Variants in PTPRG observed in about 807,000 individuals in gnomAD.
PTPRG encodes the protein receptor-type tyrosine-protein phosphatase gamma.
PTPRG carries 102 observed loss-of-function variants against 165.3 expected under a neutral mutation model. That is an observed-to-expected ratio of 0.62 (90% confidence interval 0.53 to 0.73). The LOEUF (loss-of-function observed/expected upper bound fraction) is 0.73. PTPRG is among the 30% of genes least tolerant of loss of function. The pLI is 0.00. For synonymous variants in PTPRG, 675 were observed against 669.5 expected (o/e 1.01, Z -0.13); for missense variants, 1,866 against 1,861.4 (o/e 1.00, Z -0.05).
At chr3:62,278,594 T>C (rs988032581) in intron 26 of PTPRG, among the ~76,000 whole-genome samples, 4 of 152,040 alleles carry the variant, frequency 2.6e-5, no homozygotes, top group Non-Finnish European at 5.9e-5. Context: ...ATTAATGAGT[T>C]TTTTAATCAA....
At chr3:61,825,813 T>C (rs1243133494) in intron 2 of PTPRG, among the ~76,000 whole-genome samples, 1 of 136,964 alleles carries the variant, frequency 7.3e-6, no homozygotes, top group Non-Finnish European at 1.6e-5. Context: ...ATCCAGCTAC[T>C]TTTTGTTGTT....
At chr3:62,074,346 T>C (rs1701309341) in intron 4 of PTPRG, among the ~76,000 whole-genome samples, 1 of 125,768 alleles carries the variant, frequency 8.0e-6, no homozygotes, top group Non-Finnish European at 1.6e-5. Flanking sequence ...TTCTTTTCTT[T>C]TCTTTCTTTT....
intron 2 of PTPRG, among the ~76,000 whole-genome samples, chr3:61,808,008 C>T (rs1227427478): frequency 6.6e-6 from 1 of 152,190 alleles, no homozygotes; most frequent in Non-Finnish European, 1.5e-5. Flanking sequence ...TATTGAAGGG[C>T]AAGCTGCTTT....
chr3:62,023,073 C>T lies in PTPRG; in HGVS notation c.519+19576C>T, dbSNP rs190467329. On this transcript the variant is annotated intron_variant, in intron 4 of 29. Coordinates refer to ENST00000474889, the MANE Select transcript of PTPRG (RefSeq NM_002841.4). The stretch of plus-strand genomic sequence containing the variant: ...CTCAAAAGGCTGCAGCTTACCTTTA[C>T]AGCTATATATATTATGACTAAATTA... Among the ~76,000 whole-genome samples the T allele has an allele frequency of 1.2e-3, 186 of 152,068 alleles. 1 individual carries two copies. The highest frequency in any genetic ancestry group is 4.2e-3 in the African/African-American group (175 of 41,476).
chr3:62,006,273 A>G (rs2041296313), intron 4 of PTPRG, among the ~76,000 whole-genome samples: 1 of 152,154 alleles, frequency 6.6e-6, no homozygotes, highest in South Asian at 2.1e-4. Flanking sequence ...ATTTGGAGGA[A>G]CTTGAATTTC....
At chr3:62,085,997 C>T (rs1264113345) in intron 5 of PTPRG, among the ~76,000 whole-genome samples, 1 of 152,116 alleles carries the variant, frequency 6.6e-6, no homozygotes, top group African/African-American at 2.4e-5. Context: ...CAGATAAAAT[C>T]TCAAGAGAAT....
At chr3:62,084,306 C>G (rs1701676410) in intron 5 of PTPRG, among the ~76,000 whole-genome samples, 1 of 152,206 alleles carries the variant, frequency 6.6e-6, no homozygotes, top group Non-Finnish European at 1.5e-5. Flanking sequence ...AACTCTACTG[C>G]AGTTTCCTCA....
At chr3:62,087,497 G>A (rs1559789495) in intron 5 of PTPRG, among the ~76,000 whole-genome samples, 1 of 152,204 alleles carries the variant, frequency 6.6e-6, no homozygotes, top group Non-Finnish European at 1.5e-5. Flanking sequence ...CTTAACTGAT[G>A]TAAAATGCTA....
At chr3:61,605,233 A>G (rs1376203261) in intron 1 of PTPRG, among the ~76,000 whole-genome samples, 1 of 152,116 alleles carries the variant, frequency 6.6e-6, no homozygotes, top group Non-Finnish European at 1.5e-5. Flanking sequence ...ACTTGTAAAT[A>G]AACATTTATT....
intron 1 of PTPRG, among the ~76,000 whole-genome samples, chr3:61,716,204 A>G (rs1423601162): frequency 1.3e-5 from 2 of 152,204 alleles, no homozygotes; most frequent in Non-Finnish European, 2.9e-5. Context: ...AGGTTCCTCT[A>G]ACGTCATCTT....
intron 2 of PTPRG, among the ~76,000 whole-genome samples, chr3:61,941,747 C>A (rs2039635034): frequency 6.6e-6 from 1 of 152,102 alleles, no homozygotes; most frequent in Non-Finnish European, 1.5e-5. Context: ...TCTTTAAAAA[C>A]AGTTTTTTTC....
chr3:61,774,766 C>G (rs2034317195), intron 2 of PTPRG, among the ~76,000 whole-genome samples: 1 of 152,144 alleles, frequency 6.6e-6, no homozygotes, highest in Non-Finnish European at 1.5e-5. Flanking sequence ...CTGCTTCATT[C>G]CTCATCCACA....
intron 1 of PTPRG, among the ~76,000 whole-genome samples, chr3:61,696,706 C>T (rs1376975250): frequency 1.3e-5 from 2 of 152,148 alleles, no homozygotes; most frequent in Admixed American, 1.3e-4. Flanking sequence ...GCCGGGGAAG[C>T]GACTAGAGCC....
intron 2 of PTPRG, among the ~76,000 whole-genome samples, chr3:61,887,145 T>TATAC: frequency 1.8e-5 from 1 of 56,502 alleles, no homozygotes; most frequent in South Asian, 5.9e-4. Context: ...TATATATATA[T>TATAC]ATATATATAT....
chr3:62,064,457 T>G (rs867339485), intron 4 of PTPRG, among the ~76,000 whole-genome samples: 1 of 151,710 alleles, frequency 6.6e-6, no homozygotes, highest in African/African-American at 2.4e-5. Flanking sequence ...TCTGAAGCAA[T>G]CCTCCTGCTT....
chr3:61,685,069 CCT>C (rs903350837), intron 1 of PTPRG, among the ~76,000 whole-genome samples: 7 of 152,210 alleles, frequency 4.6e-5, no homozygotes, highest in African/African-American at 1.7e-4. Context: ...CGCTCCTCCG[CCT>C]CTCTCATTCT....
chr3:61,587,023 A>T (rs1349134342), intron 1 of PTPRG, among the ~76,000 whole-genome samples: 1 of 152,014 alleles, frequency 6.6e-6, no homozygotes, highest in Non-Finnish European at 1.5e-5. Context: ...GTTACGGGGG[A>T]TGGGGGTAGT....
At chr3:61,906,211 T>G (rs1283987603) in intron 2 of PTPRG, among the ~76,000 whole-genome samples, 1 of 151,824 alleles carries the variant, frequency 6.6e-6, no homozygotes, top group Non-Finnish European at 1.5e-5. Flanking sequence ...TCCCAGCACT[T>G]TGAGAGGCTG....
Position 61,671,893 on chromosome 3 carries a change from G to C in PTPRG, c.86-76985G>C, listed in dbSNP as rs369756923. Among the ~76,000 whole-genome samples the C allele has an allele frequency of 2.9e-3, 435 of 148,048 alleles. 7 individuals carry two copies. Among genetic ancestry groups the C allele is most frequent in the Admixed American group, 0.02 (303 of 14,928 alleles). ...CGGACTGGGCGGCTGGATGGGCGGG[G>C]GGGGCTGATCCCCCCACCTCCCTCC... On this transcript the variant is annotated intron_variant, in intron 1 of 29. Coordinates refer to ENST00000474889, the MANE Select transcript of PTPRG (RefSeq NM_002841.4).
Sources: gnomAD v4.1 joint callset for allele counts (sites outside exome capture counted in the v4.1 genomes callset) on GRCh38, gnomAD v4.1.1 for gene constraint, MANE v1.5 for transcripts, NCBI Gene and HGNC (gene_info 2026-07-23, HGNC 2026-07-21) for gene names.